The following KDM4C variants were observed in gnomAD, a reference collection of about 807,000 sequenced individuals.
The protein encoded by KDM4C is lysine-specific demethylase 4C.
KDM4C carries 81 observed loss-of-function variants against 129.3 expected under a neutral mutation model. That is an observed-to-expected ratio of 0.63 (90% CI 0.52 to 0.75). KDM4C has a LOEUF of 0.75. Among genes scored for constraint, KDM4C ranks in the 30% least tolerant of loss-of-function variants. The probability of loss-of-function intolerance (pLI) is 0.00; values close to 1 mark genes in which losing one functional copy is unlikely to be tolerated. For missense variants in KDM4C, 1,457 were observed against 1,304.0 expected (o/e 1.12, Z -1.81); for synonymous variants, 573 against 456.1 (o/e 1.26, Z -3.26).
At chr9:7,017,278 T>G (rs1346934692) in intron 15 of KDM4C, among the ~76,000 whole-genome samples, 1 of 152,226 alleles carries the variant, frequency 6.6e-6, no homozygotes, top group Admixed American at 6.5e-5. Context: ...TTTCCCCACT[T>G]ACTCATCCTT....
In KDM4C at chr9:7,006,185, A is replaced by G. The variant is rs1012562058; in HGVS notation, c.1787-5513A>G. 2.0e-5 allele frequency among the ~76,000 whole-genome samples: 3 copies of G among 152,226 alleles called. No individual in the cohort carries two copies. In the East Asian group the frequency reaches 5.8e-4, roughly 29 times the overall value. ...ATACTGCAAATTAGTATAAGTAGAA[A>G]ACTTTTGGAGTTTCTCTGAATGTCT... On this transcript the variant is annotated intron_variant, in intron 12 of 21. Coordinates refer to ENST00000381309, the MANE Select transcript of KDM4C (RefSeq NM_015061.6).
Position 6,737,488 on chromosome 9 carries a change from C to T in KDM4C, c.49+16491C>T, listed in dbSNP as rs374006087. Among the ~76,000 whole-genome samples the T allele has an allele frequency of 3.7e-3, 284 of 76,960 alleles. 4 individuals are homozygous for T. Among genetic ancestry groups the T allele is most frequent in the African/African-American group, 0.012 (229 of 18,952 alleles). The allele number at this position is 76,960 out of a possible 152,430, so 50.5% of individuals were successfully genotyped here. A position where few individuals can be genotyped will look rare whatever the true frequency, so the allele number is the denominator to read the frequency against. The stretch of plus-strand genomic sequence containing the variant: ...CCAGCCTGTCTAACCTGGTGAAACC[C>T]CATCTCTACTAAAAAAAATACAAAA... On this transcript the variant is annotated intron_variant, in intron 1 of 17. Coordinates refer to the KDM4C transcript ENST00000536108.
chr9:6,772,979 A>T (rs1413850130), intron 1 of KDM4C, among the ~76,000 whole-genome samples: 1 of 151,874 alleles, frequency 6.6e-6, no homozygotes, highest in Admixed American at 6.6e-5. Flanking sequence ...TACAGGTGTG[A>T]GCCACAGTGC....
intron 1 of KDM4C, among the ~76,000 whole-genome samples, chr9:6,749,510 T>TA (rs982242414): frequency 2.0e-5 from 3 of 151,462 alleles, no homozygotes; most frequent in African/African-American, 4.9e-5. Flanking sequence ...AAAAATAAAT[T>TA]AAAAAAAATT....
chr9:6,744,511 G>T (rs1009907619), intron 1 of KDM4C, among the ~76,000 whole-genome samples: 1 of 151,982 alleles, frequency 6.6e-6, no homozygotes, highest in African/African-American at 2.4e-5. Flanking sequence ...GCGACAAAGT[G>T]AGACTTCATC....
upstream of KDM4C, among the ~76,000 whole-genome samples, chr9:6,753,105 A>G (rs1372062751): frequency 1.3e-5 from 2 of 152,174 alleles, no homozygotes; most frequent in African/African-American, 2.4e-5. Flanking sequence ...CTTCTACCCC[A>G]ATGGATGGTT....
chr9:7,122,562 A>G (rs193119169), intron 18 of KDM4C, among the ~76,000 whole-genome samples: 4 of 152,310 alleles, frequency 2.6e-5, no homozygotes, highest in Admixed American at 2.6e-4. Context: ...TACATCATCT[A>G]TTTAGTCAAA....
intron 8 of KDM4C, among the ~76,000 whole-genome samples, chr9:6,955,700 G>T (rs954463984): frequency 8.5e-5 from 13 of 152,080 alleles, no homozygotes; most frequent in Non-Finnish European, 1.5e-4. Context: ...TAATCTTTTG[G>T]CTCCTTGCCA....
In KDM4C at chr9:6,990,408, A is replaced by T. The variant is rs1192711029; in HGVS notation, c.1678-8A>T. 3 of 1,583,744 alleles carry T rather than the reference A, an allele frequency of 1.9e-6. No homozygotes were observed. In the African/African-American group the frequency reaches 4.1e-5, roughly 22 times the overall value. ...GGTATTTCTCCACCATTTTTGTTCT[A>T]TAACTAGATAGCAGAGGGAGAGAAC... On this transcript the variant is annotated splice_polypyrimidine_tract_variant and splice_region_variant and intron_variant, in intron 11 of 21. Transcript: ENST00000381309.
At chr9:6,954,040 G>A (rs28453377) in intron 8 of KDM4C, among the ~76,000 whole-genome samples, 10,192 of 152,158 alleles carry the variant, frequency 0.067, 982 homozygotes, top group African/African-American at 0.22. Flanking sequence ...GGACTTCTTT[G>A]CTTTCTCTTC....
intron 15 of KDM4C, among the ~76,000 whole-genome samples, chr9:7,022,198 T>G (rs896875202): frequency 6.6e-6 from 1 of 152,208 alleles, no homozygotes; most frequent in Non-Finnish European, 1.5e-5. Flanking sequence ...AGAATGTCTT[T>G]AGTATTTTGA....
intron 8 of KDM4C, among the ~76,000 whole-genome samples, chr9:6,902,199 C>T (rs956853709): frequency 7.2e-5 from 11 of 152,146 alleles, no homozygotes; most frequent in Non-Finnish European, 1.5e-4. Flanking sequence ...ATATCATTTA[C>T]AGTCTCTTTT....
chr9:7,098,916 C>G (rs147641708), intron 17 of KDM4C, among the ~76,000 whole-genome samples: 1 of 152,240 alleles, frequency 6.6e-6, no homozygotes, highest in Non-Finnish European at 1.5e-5. Flanking sequence ...TCAAAGGATT[C>G]TATTACGAAC....
intron 5 of KDM4C, among the ~76,000 whole-genome samples, chr9:6,875,791 G>T (rs1352583619): frequency 6.6e-6 from 1 of 152,188 alleles, no homozygotes; most frequent in African/African-American, 2.4e-5. Context: ...TACTTACATG[G>T]AAAATGCCTT....
chr9:7,032,921 C>G (rs530699902), intron 15 of KDM4C, among the ~76,000 whole-genome samples: 2 of 152,184 alleles, frequency 1.3e-5, no homozygotes, highest in Non-Finnish European at 2.9e-5. Flanking sequence ...AGGTTCTTTT[C>G]CCTTTCATAT....
At chr9:6,935,247 C>T (rs1459400651) in intron 8 of KDM4C, among the ~76,000 whole-genome samples, 7 of 152,018 alleles carry the variant, frequency 4.6e-5, no homozygotes, top group African/African-American at 7.3e-5. Flanking sequence ...TTAGGCATAT[C>T]CTTGGCATGT....
intron 8 of KDM4C, among the ~76,000 whole-genome samples, chr9:6,977,244 T>C (rs979874152): frequency 1.3e-5 from 2 of 152,214 alleles, no homozygotes; most frequent in Non-Finnish European, 2.9e-5. Context: ...ATCTTCTACA[T>C]TGGGTTCTTT....
At chr9:6,850,879 C>T (rs993086345) in intron 5 of KDM4C, among the ~76,000 whole-genome samples, 8 of 152,192 alleles carry the variant, frequency 5.3e-5, no homozygotes, top group South Asian at 2.1e-4. Flanking sequence ...CTCAGCCTCC[C>T]GAGTAGCTGG....
chr9:7,052,498 G>A (rs1830281090), intron 17 of KDM4C, among the ~76,000 whole-genome samples: 1 of 152,132 alleles, frequency 6.6e-6, no homozygotes, highest in South Asian at 2.1e-4. Flanking sequence ...CCTTTCCACG[G>A]TTTCTCCTTT....
Sources: allele counts gnomAD v4.1 joint callset (sites outside exome capture counted in the v4.1 genomes callset), GRCh38; gene constraint gnomAD v4.1.1; transcripts MANE v1.5; gene names NCBI Gene and HGNC (gene_info 2026-07-23, HGNC 2026-07-21).